The following FSHR variants were observed in gnomAD, a reference collection of about 807,000 sequenced individuals.
The protein encoded by FSHR is follicle stimulating hormone receptor.
A neutral mutation model predicts 52.1 loss-of-function variants in FSHR; 46 were observed. The ratio of observed to expected loss-of-function variants is 0.88; its 90% CI spans 0.70 to 1.13. The LOEUF is 1.13. FSHR is among the 50% of genes most tolerant of loss of function. The probability of loss-of-function intolerance (pLI) is 0.00; values close to 1 mark genes in which losing one functional copy is unlikely to be tolerated. For missense variants in FSHR, 964 were observed against 834.6 expected, an observed-to-expected ratio of 1.16 and a Z score of -1.91; for synonymous variants, 399 against 309.6, an observed-to-expected ratio of 1.29 and a Z score of -3.03.
At chr2:49,134,929 G>A (rs1273675764) in intron 1 of FSHR, among the ~76,000 whole-genome samples, 1 of 152,150 alleles carries the variant, frequency 6.6e-6, no homozygotes, top group South Asian at 2.1e-4. Context: ...GTGGGAGGAT[G>A]GGGGAGGGAT....
intron 5 of FSHR, 27 bp from the exon 6 acceptor site, chr2:48,989,081 T>C: frequency 1.3e-6 from 2 of 1,577,126 alleles, no homozygotes; most frequent in Non-Finnish European, 1.7e-6. Context: ...ACAAATAAGA[T>C]ACTTACATCA....
intron 1 of FSHR, among the ~76,000 whole-genome samples, chr2:49,083,126 A>G (rs1167921988): frequency 6.6e-5 from 10 of 152,012 alleles, no homozygotes; most frequent in Non-Finnish European, 1.5e-5. Flanking sequence ...AGGGAAGCCC[A>G]TCAGACTAAC....
rs777313232 is a variant in FSHR, at chr2:49,042,638, A to G, written c.225-22478T>C. Reference sequence around the variant, plus strand: ...ACAGGACATAGTTTTGCTTTTAATCACTCATTAGTGAACACTGGAGCAGCA... The same window carrying G: ...ACAGGACATAGTTTTGCTTTTAATCGCTCATTAGTGAACACTGGAGCAGCA... On this transcript the variant is annotated intron_variant, in intron 2 of 9. Transcript: ENST00000406846. 8.0e-4 allele frequency among the ~76,000 whole-genome samples: 122 copies of G among 152,312 alleles called. 1 individual carries two copies. The highest frequency in any genetic ancestry group is 1.5e-3 in the Non-Finnish European group (104 of 68,030).
chr2:48,967,887 ACAT>A (rs1460148064), intron 9 of FSHR, among the ~76,000 whole-genome samples: 2 of 152,200 alleles, frequency 1.3e-5, no homozygotes, highest in East Asian at 1.9e-4. Flanking sequence ...TAATGAAAAG[ACAT>A]CATTTGATGA....
At chr2:49,116,289 T>C (rs1236877502) in intron 1 of FSHR, among the ~76,000 whole-genome samples, 1 of 152,168 alleles carries the variant, frequency 6.6e-6, no homozygotes, top group African/African-American at 2.4e-5. Context: ...CTTGAGTGTC[T>C]GAAGTTTTCT....
intron 2 of FSHR, among the ~76,000 whole-genome samples, chr2:49,051,184 T>A (rs539741928): frequency 2.4e-4 from 36 of 152,262 alleles, no homozygotes; most frequent in Non-Finnish European, 4.4e-4. Flanking sequence ...TATGAATAAA[T>A]CTGTTATGAA....
chr2:49,079,545 A>G (rs1670088180), intron 1 of FSHR, among the ~76,000 whole-genome samples: 2 of 152,128 alleles, frequency 1.3e-5, no homozygotes, highest in African/African-American at 4.8e-5. Context: ...CAGGGATTTA[A>G]AAAAATAGAC....
rs1667635909 is a variant in FSHR, at chr2:49,020,107, T to C, written c.278A>G (p.Asn93Ser). The C allele has an allele frequency of 1.2e-6, 2 of 1,613,612 alleles. No homozygotes were observed. The highest frequency in any genetic ancestry group is 1.3e-5 in the African/African-American group (1 of 74,902). The change falls in exon 3 of 10, where the codon AAC (asparagine) becomes AGC (serine). Residue 93 changes from asparagine to serine, a missense_variant. Asn to Ser is a conservative substitution (Grantham distance 46, BLOSUM62 1). Transcript: ENST00000406846. ...TTACATTTCATGTAATTTGGGAAGGTTGGAGAACACATCTGCCTCTATCAC... is the reference window on the plus strand; with the variant it reads ...TTACATTTCATGTAATTTGGGAAGGCTGGAGAACACATCTGCCTCTATCAC... ...LEVIEADVFSNLPKLHEIRIE... is the reference protein window; with the variant it reads ...LEVIEADVFSSLPKLHEIRIE...
At chr2:49,126,699 T>A (rs1053918290) in intron 1 of FSHR, among the ~76,000 whole-genome samples, 2 of 152,196 alleles carry the variant, frequency 1.3e-5, no homozygotes, top group Admixed American at 1.3e-4. Context: ...TATAGAGGAA[T>A]AAACTGAAGC....
chr2:49,088,594 T>G (rs1044785998), intron 1 of FSHR, among the ~76,000 whole-genome samples: 1 of 152,222 alleles, frequency 6.6e-6, no homozygotes, highest in Admixed American at 6.5e-5. Context: ...GCATTGTGCC[T>G]CTAAAGCAGT....
chr2:49,063,036 A>G (rs1385007401), intron 2 of FSHR, among the ~76,000 whole-genome samples: 1 of 152,146 alleles, frequency 6.6e-6, no homozygotes, highest in Non-Finnish European at 1.5e-5. Context: ...AGATTCCTCT[A>G]AAAACTAAAT....
chr2:49,120,413 C>G (rs150806732), intron 1 of FSHR, among the ~76,000 whole-genome samples: 1 of 152,300 alleles, frequency 6.6e-6, no homozygotes, highest in African/African-American at 2.4e-5. Flanking sequence ...GTGGATAATA[C>G]TGATGAATTC....
chr2:49,101,255 C>G (rs979130586), intron 1 of FSHR, among the ~76,000 whole-genome samples: 4 of 152,046 alleles, frequency 2.6e-5, no homozygotes, highest in Non-Finnish European at 5.9e-5. Flanking sequence ...CAAAGAAAAA[C>G]TTTATTTCCT....
At chr2:48,988,437 G>GT (rs1452183714) in intron 6 of FSHR, among the ~76,000 whole-genome samples, 7 of 152,280 alleles carry the variant, frequency 4.6e-5, no homozygotes, top group Admixed American at 4.6e-4. Context: ...GCATAAAAGA[G>GT]TAGAAGGTCT....
chr2:49,041,288 T>C (rs900395876), intron 2 of FSHR, among the ~76,000 whole-genome samples: 2 of 152,146 alleles, frequency 1.3e-5, no homozygotes, highest in African/African-American at 4.8e-5. Flanking sequence ...TGGATAGAAA[T>C]GGAACTCACT....
At chr2:49,036,017 C>T (rs1321668430) in intron 2 of FSHR, among the ~76,000 whole-genome samples, 1 of 152,198 alleles carries the variant, frequency 6.6e-6, no homozygotes, top group Non-Finnish European at 1.5e-5. Flanking sequence ...CCCTTTCTTT[C>T]TTCTCAAACC....
intron 2 of FSHR, among the ~76,000 whole-genome samples, chr2:49,039,834 G>T (rs1259285880): frequency 1.3e-5 from 2 of 152,166 alleles, no homozygotes; most frequent in African/African-American, 4.8e-5. Context: ...AGAAAAAGTT[G>T]TGGAAAGCTG....
intron 2 of FSHR, among the ~76,000 whole-genome samples, chr2:49,030,620 T>C (rs1481394929): frequency 6.6e-6 from 1 of 152,216 alleles, no homozygotes; most frequent in East Asian, 1.9e-4. Context: ...TGAGTCACAC[T>C]GATGGTCTTA....
intron 1 of FSHR, among the ~76,000 whole-genome samples, chr2:49,087,070 G>GATTTTTTTTTTTTTTTTTTTT (rs60949511): frequency 3.5e-5 from 3 of 86,728 alleles, no homozygotes; most frequent in African/African-American, 1.3e-4. Context: ...TGTGGGCAGG[G>GATTTTTTTTTTTTTTTTTTTT]TTTTTTTTTT....
Sources: gnomAD v4.1 joint callset for allele counts (sites outside exome capture counted in the v4.1 genomes callset) on GRCh38, gnomAD v4.1.1 for gene constraint, MANE v1.5 for transcripts, NCBI Gene and HGNC (gene_info 2026-07-23, HGNC 2026-07-21) for gene names.